LYG2: variants seen among roughly 807,000 people sequenced by gnomAD.
LYG2 encodes lysozyme g2.
In LYG2, 25 loss-of-function variants were observed where a neutral mutation model predicts 22.4. That is an observed-to-expected ratio of 1.12 (90% confidence interval 0.81 to 1.56). The LOEUF is 1.56. Ranked by LOEUF, LYG2 falls within the 40% of genes most tolerant of loss-of-function variation. The probability of loss-of-function intolerance (pLI) is 0.00; values close to 1 mark genes in which losing one functional copy is unlikely to be tolerated. For synonymous variants in LYG2, 88 were observed against 97.0 expected (o/e 0.91, Z 0.55); for missense variants, 266 against 269.5 (o/e 0.99, Z 0.09).
chr2:99,257,765 G>A (rs2094038951), upstream of LYG2, among the ~76,000 whole-genome samples: 1 of 152,148 alleles, frequency 6.6e-6, no homozygotes, highest in Admixed American at 6.5e-5. Flanking sequence ...ACAGATTTGG[G>A]GTTCCTGGCT....
At chr2:99,259,048 A>G (rs1006303266), upstream of LYG2, among the ~76,000 whole-genome samples, 3 of 152,224 alleles carry the variant, frequency 2.0e-5, no homozygotes, top group Non-Finnish European at 2.9e-5. Flanking sequence ...AAGACTAGCT[A>G]TATCACATAT....
At chr2:99,247,674 T>C (rs1359624662) in intron 3 of LYG2, among the ~76,000 whole-genome samples, 1 of 152,182 alleles carries the variant, frequency 6.6e-6, no homozygotes, top group Non-Finnish European at 1.5e-5. Context: ...CAAATGCCTC[T>C]GGAGATGTGA....
At chr2:99,258,461 G>A (rs572147318), upstream of LYG2, among the ~76,000 whole-genome samples, 2 of 152,274 alleles carry the variant, frequency 1.3e-5, no homozygotes, top group African/African-American at 4.8e-5. Context: ...TATAGGACAG[G>A]AAGTAGGAGG....
intron 1 of LYG2, among the ~76,000 whole-genome samples, 91 bp downstream of exon 1, chr2:99,255,512 G>A (rs1020159193): frequency 6.6e-6 from 1 of 152,162 alleles, no homozygotes; most frequent in African/African-American, 2.4e-5. Flanking sequence ...GTGCCAAACA[G>A]CTTCTAAATT....
chr2:99,246,004 A>G (rs1051524129), intron 4 of LYG2, among the ~76,000 whole-genome samples: 2 of 152,092 alleles, frequency 1.3e-5, no homozygotes, highest in East Asian at 3.9e-4. Context: ...GCTACTCAGG[A>G]GACTGAGGCA....
chr2:99,258,760 T>G (rs2094041341), upstream of LYG2, among the ~76,000 whole-genome samples: 1 of 152,226 alleles, frequency 6.6e-6, no homozygotes, highest in South Asian at 2.1e-4. Flanking sequence ...CCAGGATATA[T>G]CAATGTCAAG....
rs1042551364 is a variant in LYG2 at position 99,255,061 on chromosome 2, G to C, written c.-67C>G. 3 of 152,218 alleles carry C rather than the reference G, an allele frequency of 2.0e-5. No homozygotes were observed. The highest frequency in any genetic ancestry group is 7.2e-5 in the African/African-American group (3 of 41,448). The allele number at this position is 152,218 out of a possible 1,614,324, so 9.4% of individuals were successfully genotyped here. A position where few individuals can be genotyped will look rare whatever the true frequency, so the allele number is the denominator to read the frequency against. ...CAGAGAAAATCTCCCCTCTCTGTTT[G>C]CAAAGGTCTTCTGTACTCAGCAGCA... On this transcript the variant is annotated 5_prime_UTR_variant, in exon 2 of 7. Coordinates refer to ENST00000333017, the MANE Select transcript of LYG2 (RefSeq NM_175735.4).
chr2:99,257,057 C>T (rs2094037642), upstream of LYG2, among the ~76,000 whole-genome samples: 1 of 152,312 alleles, frequency 6.6e-6, no homozygotes, highest in South Asian at 2.1e-4. Context: ...CATGCTCTTC[C>T]ACTGTATCGA....
chr2:99,246,269 G>A (rs904192306), intron 4 of LYG2, among the ~76,000 whole-genome samples: 2 of 152,196 alleles, frequency 1.3e-5, no homozygotes, highest in Non-Finnish European at 2.9e-5. Context: ...GTAAATTTGA[G>A]GGGTTGGGGT....
intron 3 of LYG2, among the ~76,000 whole-genome samples, chr2:99,247,283 G>A (rs980046152): frequency 1.3e-5 from 2 of 152,026 alleles, no homozygotes; most frequent in Middle Eastern, 3.2e-3. Context: ...TAGAGATGGG[G>A]TTTTGCTATG....
chr2:99,243,673 CTG>C (rs2094010581), intron 6 of LYG2: 2 of 517,160 alleles, frequency 3.9e-6, no homozygotes, highest in African/African-American at 2.1e-5. Context: ...GTAGCTGGGA[CTG>C]TGTGTCACCA....
intron 2 of LYG2, among the ~76,000 whole-genome samples, 169 bp from the exon 3 acceptor site, chr2:99,254,454 C>G (rs896631649): frequency 1.3e-5 from 2 of 152,184 alleles, no homozygotes; most frequent in Non-Finnish European, 2.9e-5. Flanking sequence ...TTGGCACACT[C>G]TCTTTCTTAA....
intron 3 of LYG2, among the ~76,000 whole-genome samples, chr2:99,249,344 C>T (rs562550231): frequency 5.9e-4 from 89 of 151,716 alleles, no homozygotes; most frequent in South Asian, 2.5e-3. Flanking sequence ...TGATTGAACC[C>T]GGGAGGTCGA....
At chr2:99,249,415 G>A (rs1431378905) in intron 3 of LYG2, among the ~76,000 whole-genome samples, 2 of 137,486 alleles carry the variant, frequency 1.5e-5, no homozygotes, top group Non-Finnish European at 3.2e-5. Flanking sequence ...ACAAGACCCT[G>A]TCTCAAATCT....
At chr2:99,247,639 G>A (rs1006916844) in intron 3 of LYG2, among the ~76,000 whole-genome samples, 3 of 152,048 alleles carry the variant, frequency 2.0e-5, no homozygotes, top group South Asian at 2.1e-4. Context: ...ATTGTTTTGA[G>A]AGGAATTTTA....
chr2:99,245,167 G>T, intron 5 of LYG2, 95 bp downstream of exon 5: 1 of 1,341,226 alleles, frequency 7.5e-7, no homozygotes, highest in East Asian at 2.6e-5. Flanking sequence ...AGGGTATTTT[G>T]GGGCTTGGAA....
upstream of LYG2, among the ~76,000 whole-genome samples, chr2:99,257,022 T>A (rs2094037578): frequency 6.6e-6 from 1 of 152,224 alleles, no homozygotes; most frequent in African/African-American, 2.4e-5. Flanking sequence ...AGGATTTGAA[T>A]CTAGGCCTGT....
intron 2 of LYG2, among the ~76,000 whole-genome samples, 154 bp downstream of exon 2, chr2:99,254,866 G>T (rs1024399971): frequency 2.0e-5 from 3 of 152,084 alleles, no homozygotes; most frequent in Non-Finnish European, 4.4e-5. Flanking sequence ...TCTCCGTAGG[G>T]AAAACAAAAT....
intron 4 of LYG2, among the ~76,000 whole-genome samples, chr2:99,245,976 C>G (rs2094015478): frequency 6.6e-6 from 1 of 152,118 alleles, no homozygotes; most frequent in Non-Finnish European, 1.5e-5. Flanking sequence ...GACTTGGTGG[C>G]AGGCACCTGT....
Sources: allele counts gnomAD v4.1 joint callset (sites outside exome capture counted in the v4.1 genomes callset), GRCh38; gene constraint gnomAD v4.1.1; transcripts MANE v1.5; gene names NCBI Gene and HGNC (gene_info 2026-07-23, HGNC 2026-07-21).